Variants in CCDC141 observed in about 807,000 individuals in gnomAD.
The protein encoded by CCDC141 is coiled-coil domain containing 141, also known as coiled-coil domain-containing protein 141.
Under a neutral mutation model 181.0 loss-of-function variants are expected in CCDC141, and 168 were observed. The ratio of observed to expected loss-of-function variants is 0.93; its 90% confidence interval spans 0.82 to 1.05. The LOEUF is 1.05. CCDC141 is among the 50% of genes least tolerant of loss of function. CCDC141 has a pLI of 0.00. For synonymous variants in CCDC141, 666 were observed against 642.3 expected (o/e 1.04, Z -0.56); for missense variants, 1,902 against 1,788.5 (o/e 1.06, Z -1.14).
intron 2 of CCDC141, among the ~76,000 whole-genome samples, chr2:179,013,960 C>CA (rs59851189): frequency 0.52 from 24,439 of 46,854 alleles, 9,797 homozygotes; most frequent in Non-Finnish European, 0.64. Context: ...GACTCCATCT[C>CA]AAAAAAAAAA....
At chr2:178,997,406 TA>T (rs1282936834) in intron 2 of CCDC141, among the ~76,000 whole-genome samples, 2 of 152,108 alleles carry the variant, frequency 1.3e-5, no homozygotes, top group African/African-American at 4.8e-5. Flanking sequence ...GAGCAGTATG[TA>T]TCAGTTAGTC....
At chr2:178,945,295 A>G (rs1376297646) in intron 5 of CCDC141, among the ~76,000 whole-genome samples, 1 of 152,168 alleles carries the variant, frequency 6.6e-6, no homozygotes, top group African/African-American at 2.4e-5. Flanking sequence ...TATCTCAATT[A>G]AAGGAGACTT....
chr2:179,019,892 A>T (rs1025979190), intron 2 of CCDC141, among the ~76,000 whole-genome samples: 2 of 151,932 alleles, frequency 1.3e-5, no homozygotes, highest in Non-Finnish European at 2.9e-5. Flanking sequence ...TTAGCCTCCC[A>T]AGTAGCTGGG....
At chr2:178,916,252 C>CAA (rs1166343444) in intron 7 of CCDC141, among the ~76,000 whole-genome samples, 2 of 152,112 alleles carry the variant, frequency 1.3e-5, no homozygotes, top group Non-Finnish European at 2.9e-5. Flanking sequence ...CATAGCTTTT[C>CAA]ACTAGTGTAA....
chr2:178,928,762 T>A (rs10204089), intron 6 of CCDC141, among the ~76,000 whole-genome samples: 2 of 151,970 alleles, frequency 1.3e-5, no homozygotes, highest in African/African-American at 2.4e-5. Context: ...AAAAACATTT[T>A]GGAGGGACTT....
intron 6 of CCDC141, among the ~76,000 whole-genome samples, chr2:178,937,234 A>G (rs2154376434): frequency 1.3e-5 from 2 of 152,320 alleles, no homozygotes. Context: ...GGTTTGTCAT[A>G]GATGGCTCTT....
intron 2 of CCDC141, among the ~76,000 whole-genome samples, chr2:178,987,983 G>GACTAT (rs1691837450): frequency 6.6e-6 from 1 of 151,340 alleles, no homozygotes; most frequent in African/African-American, 2.4e-5. Flanking sequence ...ATACCCAAAG[G>GACTAT]ACTATAAATC....
At chr2:179,030,709 A>G (rs2042977322) in intron 2 of CCDC141, among the ~76,000 whole-genome samples, 1 of 152,090 alleles carries the variant, frequency 6.6e-6, no homozygotes, top group Admixed American at 6.5e-5. Flanking sequence ...ACATATACAA[A>G]TAAATTTACA....
At chr2:178,926,739 T>C (rs2154375465) in intron 6 of CCDC141, 1 of 152,340 alleles carries the variant, frequency 6.6e-6, no homozygotes, top group East Asian at 1.9e-4. Context: ...TATAACACTG[T>C]AGGATGACCA....
intron 2 of CCDC141, 39 bp downstream of exon 2, chr2:179,047,245 T>G (rs2043527335): frequency 2.0e-6 from 3 of 1,486,114 alleles, no homozygotes; most frequent in Non-Finnish European, 2.7e-6. Context: ...TTTTTATGTC[T>G]CTTTAATTTT....
chr2:178,825,690 C>T (rs1290200866), downstream of CCDC141, among the ~76,000 whole-genome samples: 1 of 140,554 alleles, frequency 7.1e-6, no homozygotes, highest in Non-Finnish European at 1.5e-5. Flanking sequence ...AACTAGATTT[C>T]AGGTTTCCAT....
At chr2:179,011,805 A>G (rs916666155) in intron 2 of CCDC141, among the ~76,000 whole-genome samples, 1 of 152,218 alleles carries the variant, frequency 6.6e-6, no homozygotes, top group Non-Finnish European at 1.5e-5. Context: ...AGAACTGGAA[A>G]TCGACTCCAA....
intron 11 of CCDC141, among the ~76,000 whole-genome samples, chr2:178,878,520 T>C (rs1686456131): frequency 6.8e-6 from 1 of 147,642 alleles, no homozygotes; most frequent in Non-Finnish European, 1.5e-5. Context: ...GGTCTTGCTA[T>C]GTTGCCCAGG....
chr2:178,973,469 C>T (rs772993748), intron 4 of CCDC141, among the ~76,000 whole-genome samples: 14 of 152,152 alleles, frequency 9.2e-5, no homozygotes, highest in Non-Finnish European at 2.1e-4. Context: ...AGGCTGGTAC[C>T]CCTGAAAAGC....
At chr2:178,904,766 A>G (rs1687880600) in intron 8 of CCDC141, among the ~76,000 whole-genome samples, 1 of 152,038 alleles carries the variant, frequency 6.6e-6, no homozygotes, top group Non-Finnish European at 1.5e-5. Flanking sequence ...TAAGCTCAAC[A>G]TTGATGCATT....
chr2:178,872,584 T>C (rs1686170095), intron 12 of CCDC141, among the ~76,000 whole-genome samples: 1 of 152,128 alleles, frequency 6.6e-6, no homozygotes, highest in African/African-American at 2.4e-5. Flanking sequence ...TTTGAAAGAT[T>C]ATTTAATGAG....
rs148804540 is a variant in CCDC141, at chr2:179,001,266, A to G, written c.226-22591T>C. Among the ~76,000 whole-genome samples, 39 of 152,348 alleles carry G rather than the reference A, an allele frequency of 2.6e-4. No homozygotes were observed. The East Asian group carries it at 6.6e-3, about 26-fold the overall frequency. ...TAGATACTTACGCATCTCTCACAGT[A>G]TATTTGTGAACTCTTAGGGACATGA... On this transcript the variant is annotated intron_variant, in intron 2 of 23. Coordinates refer to ENST00000443758, the MANE Select transcript of CCDC141 (RefSeq NM_173648.4).
At chr2:178,893,996 A>G (rs780713582) in intron 8 of CCDC141, among the ~76,000 whole-genome samples, 38 of 152,158 alleles carry the variant, frequency 2.5e-4, no homozygotes, top group Non-Finnish European at 5.3e-4. Flanking sequence ...TATATGTCCT[A>G]TGTGAAGGGT....
intron 22 of CCDC141, among the ~76,000 whole-genome samples, chr2:178,841,702 T>C (rs1472907941): frequency 1.3e-5 from 2 of 152,230 alleles, no homozygotes; most frequent in African/African-American, 2.4e-5. Context: ...TGGAGTGCAA[T>C]GGCACAATCT....
Sources: allele counts gnomAD v4.1 joint callset (sites outside exome capture counted in the v4.1 genomes callset), GRCh38; gene constraint gnomAD v4.1.1; transcripts MANE v1.5; gene names NCBI Gene and HGNC (gene_info 2026-07-23, HGNC 2026-07-21).